LRTM1: variants seen among roughly 807,000 people sequenced by gnomAD.
The protein encoded by LRTM1 is leucine-rich repeat and transmembrane domain-containing protein 1.
A neutral mutation model predicts 32.4 loss-of-function variants in LRTM1; 38 were observed. That is an observed-to-expected ratio of 1.17 (90% CI 0.91 to 1.54). The LOEUF (loss-of-function observed/expected upper bound fraction) is 1.54. Among genes scored for constraint, LRTM1 ranks in the 40% most tolerant of loss-of-function variants. The pLI, the probability that LRTM1 is intolerant of heterozygous loss-of-function variation, is 0.00. For missense variants in LRTM1, 466 were observed against 415.4 expected (o/e 1.12, Z -1.06); for synonymous variants, 186 against 169.9 (o/e 1.09, Z -0.74).
At chr3:54,919,983 C>A (rs1214149958) in intron 2 of LRTM1, among the ~76,000 whole-genome samples, 5 of 152,132 alleles carry the variant, frequency 3.3e-5, no homozygotes, top group Non-Finnish European at 7.4e-5. Flanking sequence ...GCACTGTCTG[C>A]TAGGAAGCCT....
intron 1 of LRTM1, among the ~76,000 whole-genome samples, chr3:54,944,435 T>C (rs1420901977): frequency 6.6e-6 from 1 of 150,632 alleles, no homozygotes; most frequent in African/African-American, 2.5e-5. Context: ...TATTTATTTA[T>C]TTTGAGACGG....
intron 1 of LRTM1, among the ~76,000 whole-genome samples, chr3:54,958,152 A>C (rs1701947076): frequency 6.6e-6 from 1 of 152,256 alleles, no homozygotes; most frequent in Admixed American, 6.5e-5. Context: ...ACAATAAATA[A>C]TATAAAATGT....
intron 1 of LRTM1, among the ~76,000 whole-genome samples, chr3:54,939,281 G>C (rs1026316709): frequency 6.6e-6 from 1 of 152,188 alleles, no homozygotes; most frequent in South Asian, 2.1e-4. Flanking sequence ...TTACTAAAGA[G>C]AAAATTGAAA....
At chr3:54,942,053 C>T (rs1701480948) in intron 1 of LRTM1, among the ~76,000 whole-genome samples, 1 of 152,214 alleles carries the variant, frequency 6.6e-6, no homozygotes, top group Admixed American at 6.5e-5. Context: ...AAAAATGCGT[C>T]CTCAGTCACA....
intron 1 of LRTM1, among the ~76,000 whole-genome samples, chr3:54,939,268 A>G (rs1701401052): frequency 6.6e-6 from 1 of 152,168 alleles, no homozygotes; most frequent in Non-Finnish European, 1.5e-5. Context: ...TATCTTCTAC[A>G]TCTTACTAAA....
rs1003734392 is a variant in LRTM1, at chr3:54,924,864, G to A, written c.359C>T (p.Ser120Phe). The part of the protein sequence containing the change: ...LLSLESRLFH[S>F]LPQLRELDLS... Reference sequence around the variant, plus strand: ...ATCAAGCTCCCTCAGCTGAGGGAGGGAATGGAAAAGTCTGCTTTCCAGGGA... The same window carrying A: ...ATCAAGCTCCCTCAGCTGAGGGAGGAAATGGAAAAGTCTGCTTTCCAGGGA... The change falls in exon 2 of 3, where the codon TCC (serine) becomes TTC (phenylalanine). Residue 120 changes from serine to phenylalanine, a missense_variant. Transcript: ENST00000273286. 6.2e-7 allele frequency: 1 copy of A among 1,613,794 alleles called. No homozygotes were observed.
intron 1 of LRTM1, among the ~76,000 whole-genome samples, chr3:54,954,049 G>A (rs1245789714): frequency 6.6e-6 from 1 of 152,180 alleles, no homozygotes; most frequent in Non-Finnish European, 1.5e-5. Flanking sequence ...CATTATCCTA[G>A]TAGGCAAGAA....
At chr3:54,954,844 A>G (rs1408162800) in intron 1 of LRTM1, among the ~76,000 whole-genome samples, 1 of 152,220 alleles carries the variant, frequency 6.6e-6, no homozygotes, top group African/African-American at 2.4e-5. Flanking sequence ...ATCTTCAGAA[A>G]GAAGAACAAC....
chr3:54,943,045 A>G (rs1244288112), intron 1 of LRTM1, among the ~76,000 whole-genome samples: 3 of 151,690 alleles, frequency 2.0e-5, no homozygotes, highest in Admixed American at 2.0e-4. Flanking sequence ...TAAAATAAAA[A>G]CTCAAAATTA....
intron 2 of LRTM1, among the ~76,000 whole-genome samples, chr3:54,923,287 C>T (rs1201197400): frequency 6.6e-6 from 1 of 152,164 alleles, no homozygotes; most frequent in Non-Finnish European, 1.5e-5. Context: ...CTCCCTTCCT[C>T]TGCACTGGCC....
rs370974347 is a variant in LRTM1 at position 54,925,187 on chromosome 3, A to G, written c.36T>C (p.Ile12=). ...KGELLLFSSV[I]VLLQVVCSCP... The stretch of plus-strand genomic sequence containing the variant: ...AGCTGCATACCACCTGGAGCAGGAC[A>G]ATCACACTGGAAAACAGGAGCAGTT... Residue 12 remains isoleucine, a synonymous_variant, in exon 2 of 3, where the codon ATT becomes ATC. Coordinates refer to ENST00000273286, the MANE Select transcript of LRTM1 (RefSeq NM_020678.4). 1.2e-6 allele frequency: 2 copies of G among 1,612,982 alleles called. No individual in the cohort carries two copies. The highest frequency in any genetic ancestry group is 2.7e-5 in the African/African-American group (2 of 74,908).
rs748661083 is a variant in LRTM1 at position 54,924,661 on chromosome 3, A to C, written c.562T>G (p.Leu188Val). ...KDNLWKCNCH[L>V]LGLKLWLEKF... ...TCCAGCCAGAGTTTAAGACCGAGCA[A>C]GTGGCAATTGCATTTCCAGAGGTTG... Residue 188 changes from leucine to valine, a missense_variant, in exon 2 of 3, where the codon TTG becomes GTG. Physicochemically the swap from Leu to Val is conservative, Grantham distance 32. Coordinates refer to ENST00000273286, the MANE Select transcript of LRTM1 (RefSeq NM_020678.4). 1 of 1,614,028 alleles carries C rather than the reference A, an allele frequency of 6.2e-7. No homozygotes were observed. The highest frequency in any genetic ancestry group is 8.5e-7 in the Non-Finnish European group (1 of 1,180,014).
intron 1 of LRTM1, among the ~76,000 whole-genome samples, chr3:54,944,361 G>A (rs1701554653): frequency 6.6e-6 from 1 of 151,710 alleles, no homozygotes; most frequent in Non-Finnish European, 1.5e-5. Context: ...AAATTCATTT[G>A]TATATTTTGA....
upstream of LRTM1, among the ~76,000 whole-genome samples, chr3:54,932,270 G>A (rs1336620312): frequency 6.6e-6 from 1 of 152,106 alleles, no homozygotes; most frequent in Non-Finnish European, 1.5e-5. Context: ...GCAAAATAAA[G>A]CAATTTGAAT....
intron 1 of LRTM1, among the ~76,000 whole-genome samples, chr3:54,949,716 A>C (rs1355984432): frequency 6.6e-6 from 1 of 152,116 alleles, no homozygotes; most frequent in African/African-American, 2.4e-5. Flanking sequence ...AAAAATTCAG[A>C]ACTGGTTTTG....
chr3:54,920,582 G>C (rs138615747), intron 2 of LRTM1, among the ~76,000 whole-genome samples: 205 of 152,346 alleles, frequency 1.3e-3, no homozygotes, highest in African/African-American at 4.8e-3. Flanking sequence ...GTGCCATTGA[G>C]ATTAAGGATT....
chr3:54,934,316 CA>C (rs1256372742), intron 1 of LRTM1, among the ~76,000 whole-genome samples: 1 of 152,178 alleles, frequency 6.6e-6, no homozygotes, highest in African/African-American at 2.4e-5. Context: ...GAGGTGAGAA[CA>C]TAGTTCCCTC....
chr3:54,929,098 G>T (rs1314113821), upstream of LRTM1, among the ~76,000 whole-genome samples: 1 of 152,170 alleles, frequency 6.6e-6, no homozygotes, highest in Non-Finnish European at 1.5e-5. Context: ...TGAGCCATTG[G>T]GTTTGGGCTC....
chr3:54,950,596 T>C (rs1701733583), intron 1 of LRTM1, among the ~76,000 whole-genome samples: 1 of 152,098 alleles, frequency 6.6e-6, no homozygotes, highest in Non-Finnish European at 1.5e-5. Context: ...TCAAAGAAAA[T>C]ATGCCAACAG....
Sources: allele counts gnomAD v4.1 joint callset (sites outside exome capture counted in the v4.1 genomes callset), GRCh38; gene constraint gnomAD v4.1.1; transcripts MANE v1.5; gene names NCBI Gene and HGNC (gene_info 2026-07-23, HGNC 2026-07-21).